DLGAP2: variants seen among roughly 807,000 people sequenced by gnomAD.
DLGAP2 encodes the protein disks large-associated protein 2.
DLGAP2 carries 26 observed loss-of-function variants against 100.3 expected under a neutral mutation model. The ratio of observed to expected loss-of-function variants is 0.26; its 90% CI spans 0.19 to 0.36. The LOEUF (loss-of-function observed/expected upper bound fraction) is 0.36. DLGAP2 is among the 10% of genes least tolerant of loss of function. The pLI, the probability that DLGAP2 is intolerant of heterozygous loss-of-function variation, is 1.00. For missense variants in DLGAP2, 1,858 were observed against 1,453.2 expected (o/e 1.28, Z -4.53); for synonymous variants, 886 against 630.1 (o/e 1.41, Z -6.08).
intron 14 of DLGAP2, among the ~76,000 whole-genome samples, chr8:1,700,127 C>T (rs1372801125): frequency 1.3e-5 from 2 of 152,216 alleles, no homozygotes; most frequent in Non-Finnish European, 2.9e-5. Context: ...CCAAAGCAGG[C>T]TTCTTGCCAC....
rs146799998 is a variant in DLGAP2 at position 870,470 on chromosome 8, C to G, written c.19-37442C>G. On this transcript the variant is annotated intron_variant, in intron 1 of 14. Transcript: ENST00000637795. ...TCTCCTTGGCACCCCGGCTTGAAAA[C>G]CTGGAGAATTCAAATTTCCTGCACT... is the stretch of plus-strand genomic sequence containing the variant. 2.6e-3 allele frequency among the ~76,000 whole-genome samples: 397 copies of G among 152,252 alleles called. 2 individuals carry two copies. Among genetic ancestry groups the G allele is most frequent in the African/African-American group, 8.9e-3 (370 of 41,548 alleles).
At chr8:1,324,506 C>A (rs966481976) in intron 3 of DLGAP2, among the ~76,000 whole-genome samples, 1 of 152,212 alleles carries the variant, frequency 6.6e-6, no homozygotes. Flanking sequence ...CACCTTCTTC[C>A]CAGATCATCT....
chr8:1,584,653 C>G (rs563737283), intron 6 of DLGAP2, among the ~76,000 whole-genome samples: 4 of 152,320 alleles, frequency 2.6e-5, no homozygotes, highest in Admixed American at 2.0e-4. Context: ...TCCTCAGAAG[C>G]TCAGGCATCT....
At chr8:1,316,734 A>T (rs1216685631) in intron 3 of DLGAP2, among the ~76,000 whole-genome samples, 2 of 126,582 alleles carry the variant, frequency 1.6e-5, no homozygotes, top group Non-Finnish European at 3.2e-5. Context: ...CACTCGAGAA[A>T]CTCGGCAGCT....
chr8:1,251,394 G>A (rs1217117437), intron 2 of DLGAP2, among the ~76,000 whole-genome samples: 4 of 152,188 alleles, frequency 2.6e-5, no homozygotes, highest in Admixed American at 6.5e-5. Flanking sequence ...TAATGTTGGA[G>A]TTTTCCATTT....
At chr8:1,542,156 A>G (rs1192561799) in intron 4 of DLGAP2, among the ~76,000 whole-genome samples, 1 of 152,234 alleles carries the variant, frequency 6.6e-6, no homozygotes, top group African/African-American at 2.4e-5. Flanking sequence ...AAGTGAAGAA[A>G]AATTTTAAGT....
At chr8:1,026,603 C>G (rs1192297112) in intron 2 of DLGAP2, among the ~76,000 whole-genome samples, 2 of 152,170 alleles carry the variant, frequency 1.3e-5, no homozygotes, top group Non-Finnish European at 2.9e-5. Flanking sequence ...ATGTCCACAT[C>G]TGGAAACTGA....
At chr8:1,527,538 G>A (rs1435650504) in intron 4 of DLGAP2, among the ~76,000 whole-genome samples, 1 of 152,268 alleles carries the variant, frequency 6.6e-6, no homozygotes, top group Non-Finnish European at 1.5e-5. Flanking sequence ...TTGCCATGGA[G>A]AGGGAAGTAA....
intron 2 of DLGAP2, among the ~76,000 whole-genome samples, chr8:1,214,563 C>T (rs533140690): frequency 3.3e-5 from 5 of 152,228 alleles, no homozygotes; most frequent in African/African-American, 9.6e-5. Context: ...GAGTAACCTT[C>T]TCACACGGCC....
chr8:1,407,473 C>G (rs1433723922), intron 3 of DLGAP2, among the ~76,000 whole-genome samples: 10 of 146,658 alleles, frequency 6.8e-5, no homozygotes, highest in Admixed American at 4.7e-4. Context: ...TCCTCATCCT[C>G]CAGGGTAGTG....
chr8:1,202,723 C>T (rs569041595), intron 2 of DLGAP2, among the ~76,000 whole-genome samples: 40 of 152,296 alleles, frequency 2.6e-4, no homozygotes, highest in African/African-American at 9.1e-4. Flanking sequence ...ACGCTTCCTC[C>T]TCAGTCTCCT....
intron 5 of DLGAP2, among the ~76,000 whole-genome samples, chr8:1,554,099 C>A (rs1801873774): frequency 6.6e-6 from 1 of 152,078 alleles, no homozygotes; most frequent in African/African-American, 2.4e-5. Flanking sequence ...ACCAACCTGG[C>A]CAAAATGGCA....
chr8:888,154 C>T (rs1046051870), intron 1 of DLGAP2, among the ~76,000 whole-genome samples: 8 of 152,116 alleles, frequency 5.3e-5, no homozygotes, highest in African/African-American at 1.9e-4. Flanking sequence ...ACTCTGATAT[C>T]CTCTCTTCCA....
chr8:931,944 G>C (rs944542580), intron 2 of DLGAP2, among the ~76,000 whole-genome samples: 1 of 152,162 alleles, frequency 6.6e-6, no homozygotes, highest in African/African-American at 2.4e-5. Context: ...TGGTCCCCAT[G>C]GCTGGAAGGA....
intron 3 of DLGAP2, among the ~76,000 whole-genome samples, chr8:1,492,627 C>G (rs1368221120): frequency 6.6e-6 from 1 of 152,234 alleles, no homozygotes; most frequent in East Asian, 1.9e-4. Flanking sequence ...CCCCTCCCCC[C>G]ACGAAGAGGT....
intron 2 of DLGAP2, among the ~76,000 whole-genome samples, chr8:953,275 A>G (rs577092158): frequency 6.6e-6 from 1 of 152,000 alleles, no homozygotes; most frequent in South Asian, 2.1e-4. Flanking sequence ...GCTCACTGCA[A>G]CCTCCGCCTC....
intron 3 of DLGAP2, among the ~76,000 whole-genome samples, chr8:1,270,452 G>A (rs926754295): frequency 6.6e-6 from 1 of 152,186 alleles, no homozygotes; most frequent in Non-Finnish European, 1.5e-5. Flanking sequence ...CAGTATATGT[G>A]TCCTCTGTTT....
intron 8 of DLGAP2, among the ~76,000 whole-genome samples, chr8:1,634,161 G>A (rs1379914190): frequency 3.9e-4 from 59 of 152,184 alleles, no homozygotes; most frequent in Admixed American, 3.8e-3. Flanking sequence ...GCTTGTTAAC[G>A]TTTCTGACTC....
Position 1,376,707 on chromosome 8 carries a change from G to A in DLGAP2, c.106+117824G>A, listed in dbSNP as rs62484186. Among the ~76,000 whole-genome samples, 16 of 81,346 alleles carry A rather than the reference G, an allele frequency of 2.0e-4. 1 individual carries two copies. In the East Asian group the frequency reaches 5.3e-3, roughly 27 times the overall value. The allele number at this position is 81,346 out of a possible 152,430, so 53.4% of individuals were successfully genotyped here. A position where few individuals can be genotyped will look rare whatever the true frequency, so the allele number is the denominator to read the frequency against. On this transcript the variant is annotated intron_variant, in intron 3 of 14. Coordinates refer to ENST00000637795, the MANE Select transcript of DLGAP2 (RefSeq NM_001346810.2). The stretch of plus-strand genomic sequence containing the variant: ...GGCGGATGGCGGGGACAGGGCTACC[G>A]AGACCCTCAACCTGAGCCCGGTGGG...
Sources: gnomAD v4.1 joint callset for allele counts (sites outside exome capture counted in the v4.1 genomes callset) on GRCh38, gnomAD v4.1.1 for gene constraint, MANE v1.5 for transcripts, NCBI Gene and HGNC (gene_info 2026-07-23, HGNC 2026-07-21) for gene names.